The following SYCP1 variants were observed in gnomAD, a reference collection of about 807,000 sequenced individuals.
SYCP1 encodes the protein synaptonemal complex protein 1, also known as cancer/testis antigen 8.
SYCP1 carries 64 observed loss-of-function variants against 153.1 expected under a neutral mutation model. The observed-to-expected ratio is 0.42, with a 90% CI of 0.34 to 0.51. SYCP1 has a LOEUF of 0.51. SYCP1 is among the 20% of genes least tolerant of loss of function. SYCP1 has a pLI of 0.06. For missense variants in SYCP1, 997 were observed against 1,049.0 expected, an observed-to-expected ratio of 0.95 and a Z score of 0.68; for synonymous variants, 384 against 341.8, an observed-to-expected ratio of 1.12 and a Z score of -1.36.
At chr1:114,854,336 G>C (rs746066249), upstream of SYCP1, among the ~76,000 whole-genome samples, 2 of 152,052 alleles carry the variant, frequency 1.3e-5, no homozygotes, top group Non-Finnish European at 2.9e-5. Context: ...GTCTCACTAC[G>C]TTGCCCAGAC....
At chr1:114,935,500 G>T (rs1159113831) in intron 23 of SYCP1, among the ~76,000 whole-genome samples, 1 of 152,126 alleles carries the variant, frequency 6.6e-6, no homozygotes, top group African/African-American at 2.4e-5. Context: ...AAAAGAACTA[G>T]AGAAGCAAGA....
intron 27 of SYCP1, among the ~76,000 whole-genome samples, chr1:114,956,138 A>G (rs1308934509): frequency 6.6e-6 from 1 of 151,936 alleles, no homozygotes; most frequent in Non-Finnish European, 1.5e-5. Flanking sequence ...AGGATCACCA[A>G]CCTCTTTCCT....
chr1:114,963,615 C>T (rs1156772310), intron 27 of SYCP1, among the ~76,000 whole-genome samples: 1 of 152,024 alleles, frequency 6.6e-6, no homozygotes. Context: ...CAAGTGAGAA[C>T]ATGTGGTGTT....
intron 16 of SYCP1, among the ~76,000 whole-genome samples, chr1:114,904,147 T>C (rs591544): frequency 0.48 from 72,088 of 148,690 alleles, 18,757 homozygotes; most frequent in Non-Finnish European, 0.59. Context: ...GACGGAGTCT[T>C]GCTCTGTTGC....
chr1:114,940,257 C>T (rs1018028259), intron 23 of SYCP1, among the ~76,000 whole-genome samples: 10 of 151,846 alleles, frequency 6.6e-5, no homozygotes, highest in African/African-American at 1.5e-4. Flanking sequence ...GCCTCCATGC[C>T]GGCTAATTTT....
chr1:114,942,606 G>A (rs1030827095), intron 23 of SYCP1, among the ~76,000 whole-genome samples: 6 of 151,932 alleles, frequency 3.9e-5, no homozygotes, highest in African/African-American at 1.4e-4. Context: ...TTGCAGATAT[G>A]TAGTGCTAGA....
At chr1:114,964,528 A>G (rs1234437444) in intron 27 of SYCP1, among the ~76,000 whole-genome samples, 1 of 152,090 alleles carries the variant, frequency 6.6e-6, no homozygotes, top group African/African-American at 2.4e-5. Context: ...TTAAGTCTTT[A>G]ATCCATCTTG....
intron 27 of SYCP1, among the ~76,000 whole-genome samples, chr1:114,970,710 C>T (rs1042402887): frequency 7.2e-5 from 11 of 151,958 alleles, no homozygotes; most frequent in African/African-American, 2.7e-4. Flanking sequence ...GTGGAGCTAT[C>T]AGGCTTTAGG....
intron 8 of SYCP1, among the ~76,000 whole-genome samples, chr1:114,865,882 T>C (rs966662551): frequency 6.6e-6 from 1 of 152,188 alleles, no homozygotes; most frequent in African/African-American, 2.4e-5. Context: ...CTTTTAACTG[T>C]CTCCATAATT....
intron 2 of SYCP1, among the ~76,000 whole-genome samples, chr1:114,855,950 T>C (rs1663908904): frequency 6.6e-6 from 1 of 152,188 alleles, no homozygotes; most frequent in Admixed American, 6.5e-5. Context: ...ATATGAATAA[T>C]AATTCGTGTT....
At chr1:114,969,769 G>A (rs1358043580) in intron 27 of SYCP1, among the ~76,000 whole-genome samples, 1 of 152,144 alleles carries the variant, frequency 6.6e-6, no homozygotes, top group Non-Finnish European at 1.5e-5. Context: ...CAGGGCCCTG[G>A]TTGTGTAGGC....
chr1:114,982,129 C>T (rs995817464), intron 29 of SYCP1, among the ~76,000 whole-genome samples: 12 of 152,002 alleles, frequency 7.9e-5, no homozygotes, highest in East Asian at 1.9e-4. Flanking sequence ...ACCTCTCTCT[C>T]GTTTCCTTTT....
chr1:114,854,743 A>G (rs533007835), upstream of SYCP1: 1 of 152,340 alleles, frequency 6.6e-6, no homozygotes, highest in African/African-American at 2.4e-5. Flanking sequence ...CTCCAAGGAA[A>G]TACAGAATCC....
At chr1:114,874,639 T>C (rs1020055078) in intron 9 of SYCP1, 75 bp downstream of exon 9, 1 of 843,398 alleles carries the variant, frequency 1.2e-6, no homozygotes, top group Non-Finnish European at 1.9e-6. Flanking sequence ...TACAAAGATA[T>C]GGACAACTAT....
chr1:114,971,311 A>G (rs1672475953), intron 27 of SYCP1, among the ~76,000 whole-genome samples: 1 of 152,124 alleles, frequency 6.6e-6, no homozygotes, highest in South Asian at 2.1e-4. Flanking sequence ...AGTGGTTCTC[A>G]GGCCAATGGA....
chr1:114,951,064 T>G (rs1189029177), intron 27 of SYCP1, among the ~76,000 whole-genome samples: 1 of 152,138 alleles, frequency 6.6e-6, no homozygotes, highest in Non-Finnish European at 1.5e-5. Context: ...GACCTTGTGA[T>G]CCGCCCGCCT....
intron 23 of SYCP1, among the ~76,000 whole-genome samples, chr1:114,939,089 C>G (rs1419917604): frequency 6.6e-6 from 1 of 152,082 alleles, no homozygotes; most frequent in African/African-American, 2.4e-5. Flanking sequence ...AGCATAGTCT[C>G]AAAGAGATAT....
Position 114,972,671 on chromosome 1 carries a change from G to A in SYCP1, c.2323-4886G>A, listed in dbSNP as rs532288671. ...TCCTCTTTGACCCACTGGTCATTCT[G>A]GAGCATATTGTTTAAATTCCATGTG... On this transcript the variant is annotated intron_variant, in intron 27 of 31. Coordinates refer to ENST00000369522, the MANE Select transcript of SYCP1 (RefSeq NM_003176.4). Among the ~76,000 whole-genome samples the A allele has an allele frequency of 6.6e-5, 10 of 152,170 alleles. No homozygotes were observed. In the South Asian group the frequency reaches 2.1e-3, roughly 32 times the overall value.
At chr1:114,942,243 T>C (rs1271475280) in intron 23 of SYCP1, among the ~76,000 whole-genome samples, 1 of 152,020 alleles carries the variant, frequency 6.6e-6, no homozygotes, top group African/African-American at 2.4e-5. Context: ...TGAGAAAGTA[T>C]TTTCATGGGC....
Sources: gnomAD v4.1 joint callset for allele counts (sites outside exome capture counted in the v4.1 genomes callset) on GRCh38, gnomAD v4.1.1 for gene constraint, MANE v1.5 for transcripts, NCBI Gene and HGNC (gene_info 2026-07-23, HGNC 2026-07-21) for gene names.